Variants in EMB observed in about 807,000 individuals in gnomAD.
EMB encodes embigin homolog.
A neutral mutation model predicts 41.4 loss-of-function variants in EMB; 31 were observed. The ratio of observed to expected loss-of-function variants is 0.75; its 90% CI spans 0.56 to 1.01. The LOEUF is 1.01. Ranked by LOEUF, EMB falls within the 50% of genes least tolerant of loss-of-function variation. The pLI is 0.00. For missense variants in EMB, 379 were observed against 388.3 expected (o/e 0.98, Z 0.20); for synonymous variants, 137 against 140.4 (o/e 0.98, Z 0.17).
intron 5 of EMB, 140 bp from the exon 6 acceptor site, chr5:50,403,594 T>C (rs1001150291): frequency 2.7e-5 from 24 of 904,914 alleles, no homozygotes; most frequent in Non-Finnish European, 3.3e-5. Flanking sequence ...TGAGAGGTTA[T>C]CTATAACAGA....
In EMB at chr5:50,428,175, A is replaced by G. The variant is rs772578843; in HGVS notation, c.165T>C (p.Phe55=). 3 of 1,612,128 alleles carry G rather than the reference A, an allele frequency of 1.9e-6. No individual in the cohort carries two copies. The highest frequency in any genetic ancestry group is 2.5e-6 in the Non-Finnish European group (3 of 1,178,410). Residue 55 remains phenylalanine, a synonymous_variant, in exon 2 of 9, where the codon TTT becomes TTC. Transcript: ENST00000303221. The part of the protein sequence containing the change: ...PLREEIMANN[F]SLESHNISLT... The stretch of plus-strand genomic sequence containing the variant: ...GTGATATGTTATGACTCTCCAAGGA[A>G]AAGTTATTTGCCATTATTTCTTCTC...
intron 7 of EMB, among the ~76,000 whole-genome samples, chr5:50,400,770 T>C (rs1745148889): frequency 6.6e-6 from 1 of 152,076 alleles, no homozygotes; most frequent in South Asian, 2.1e-4. Flanking sequence ...ATGATGTACA[T>C]TGATCCAATT....
In EMB at chr5:50,418,812, G is replaced by A. The variant is rs576446209; in HGVS notation, c.197-7429C>T. On this transcript the variant is annotated intron_variant, in intron 2 of 8. Transcript: ENST00000303221. ...TCCAGTTTTCTCATCAATTCTGCTA[G>A]CCAAAATCCTTTATTCAACAAATTA... Among the ~76,000 whole-genome samples the A allele has an allele frequency of 2.0e-5, 3 of 152,240 alleles. No individual in the cohort carries two copies. The South Asian group carries it at 6.2e-4, about 32-fold the overall frequency.
At chr5:50,404,187 C>T (rs967989599) in intron 5 of EMB, among the ~76,000 whole-genome samples, 7 of 151,920 alleles carry the variant, frequency 4.6e-5, no homozygotes, top group Admixed American at 4.6e-4. Flanking sequence ...TTTTCCTGCT[C>T]CATCACTCAA....
chr5:50,439,664 C>A (rs777416484), intron 1 of EMB, among the ~76,000 whole-genome samples: 1 of 151,878 alleles, frequency 6.6e-6, no homozygotes, highest in African/African-American at 2.4e-5. Context: ...AGGAAATCTG[C>A]GAAGGAACCC....
chr5:50,414,763 A>T (rs1745402193), intron 2 of EMB, among the ~76,000 whole-genome samples: 1 of 152,156 alleles, frequency 6.6e-6, no homozygotes, highest in Admixed American at 6.6e-5. Context: ...TAGAATACAT[A>T]TATTGCCAGA....
At chr5:50,424,854 G>A (rs1435899502) in intron 2 of EMB, among the ~76,000 whole-genome samples, 1 of 151,914 alleles carries the variant, frequency 6.6e-6, no homozygotes, top group Admixed American at 6.6e-5. Flanking sequence ...CAATACTTCT[G>A]TTAATATAAA....
At chr5:50,438,634 C>T (rs967194882) in intron 1 of EMB, among the ~76,000 whole-genome samples, 1 of 152,080 alleles carries the variant, frequency 6.6e-6, no homozygotes, top group African/African-American at 2.4e-5. Context: ...TCCAGTAAAC[C>T]TCACAATATC....
intron 4 of EMB, among the ~76,000 whole-genome samples, chr5:50,409,483 C>T (rs1745299833): frequency 6.6e-6 from 1 of 151,856 alleles, no homozygotes; most frequent in Admixed American, 6.6e-5. Flanking sequence ...GCCTTCTTTA[C>T]ATATTTTTTA....
intron 7 of EMB, 61 bp downstream of exon 7, chr5:50,402,225 A>T: frequency 6.5e-7 from 1 of 1,534,000 alleles, no homozygotes; most frequent in South Asian, 1.1e-5. Context: ...CATTTCATTC[A>T]ATTTTATGTT....
chr5:50,414,174 A>C (rs1163249751), intron 2 of EMB, among the ~76,000 whole-genome samples: 10 of 152,158 alleles, frequency 6.6e-5, no homozygotes. Context: ...CAATAATGGT[A>C]TAGTATGATG....
chr5:50,405,655 C>A, intron 5 of EMB, 70 bp downstream of exon 5: 1 of 1,520,156 alleles, frequency 6.6e-7, no homozygotes, highest in Non-Finnish European at 8.8e-7. Context: ...GAGTCTGTTA[C>A]AATCTTGTTA....
chr5:50,411,943 A>AAGCATCC (rs1745345387), intron 2 of EMB: 1 of 152,144 alleles, frequency 6.6e-6, no homozygotes. Flanking sequence ...GAATTTAAAT[A>AAGCATCC]AGCATCCAGT....
intron 2 of EMB, among the ~76,000 whole-genome samples, chr5:50,427,681 G>T (rs180706414): frequency 1.3e-5 from 2 of 151,972 alleles, no homozygotes; most frequent in Non-Finnish European, 2.9e-5. Context: ...GCTAATTTTT[G>T]TATTTGTAGT....
chr5:50,435,023 G>A (rs1323183176), intron 1 of EMB, among the ~76,000 whole-genome samples: 5 of 152,164 alleles, frequency 3.3e-5, no homozygotes, highest in Admixed American at 3.3e-4. Flanking sequence ...CTGTTGGAGG[G>A]CATATACACC....
Position 50,398,514 on chromosome 5 carries a change from C to T in EMB, c.*759G>A, listed in dbSNP as rs976882383. The T allele has an allele frequency of 6.6e-6, 1 of 151,910 alleles. No individual in the cohort carries two copies. Among genetic ancestry groups the T allele is most frequent in the African/African-American group, 2.4e-5 (1 of 41,386 alleles). 9.4% of individuals were successfully genotyped at this position (151,910 alleles called of 1,614,324 possible). A position where few individuals can be genotyped will look rare whatever the true frequency, so the allele number is the denominator to read the frequency against. ...TTTTAAGTATTACGACTATATGGAC[C>T]TGCACCCTAAAACATAAACAATGGT... On this transcript the variant is annotated 3_prime_UTR_variant, in exon 9 of 9. Transcript: ENST00000303221.
intron 1 of EMB, chr5:50,428,521 A>T: frequency 9.7e-7 from 1 of 1,031,092 alleles, no homozygotes; most frequent in Non-Finnish European, 1.2e-6. Flanking sequence ...TTTCTTTACA[A>T]AACATAAATA....
rs1359425337 is a variant in EMB, at chr5:50,399,084, A to G, written c.*189T>C. On this transcript the variant is annotated 3_prime_UTR_variant, in exon 9 of 9. Coordinates refer to ENST00000303221, the MANE Select transcript of EMB (RefSeq NM_198449.3). ...CTGATTTACATTGCTTTTATGTAAC[A>G]TAATTACAGAATGAAAATATACCTT... 3.1e-6 allele frequency: 2 copies of G among 647,436 alleles called. No individual in the cohort carries two copies. 40.1% of individuals were successfully genotyped at this position (647,436 alleles called of 1,614,324 possible). A position where few individuals can be genotyped will look rare whatever the true frequency, so the allele number is the denominator to read the frequency against.
At position 50,441,129 on chromosome 5, in the gene EMB, A is replaced by AG; in HGVS notation, c.22dup (p.Leu8ProfsTer47). On this transcript the variant is annotated frameshift_variant, in exon 1 of 9. Transcript: ENST00000303221. LOFTEE classifies it high-confidence loss of function. ...CCGGGGCGTACGCGCCCTGGCCTCC[A>AG]GCAGGCCGGGGAGGGCGCGCATGGC... is the stretch of plus-strand genomic sequence containing the variant. The AG allele has an allele frequency of 1.3e-6, 2 of 1,507,854 alleles. No homozygotes were observed. Among genetic ancestry groups the AG allele is most frequent in the Non-Finnish European group, 1.8e-6 (2 of 1,132,160 alleles). The allele number at this position is 1,507,854 out of a possible 1,614,324, so 93.4% of individuals were successfully genotyped here.
Sources: gnomAD v4.1 joint callset for allele counts (sites outside exome capture counted in the v4.1 genomes callset) on GRCh38, gnomAD v4.1.1 for gene constraint, MANE v1.5 for transcripts, NCBI Gene and HGNC (gene_info 2026-07-23, HGNC 2026-07-21) for gene names.